POLA1: variants seen among roughly 807,000 people sequenced by gnomAD.
The protein encoded by POLA1 is DNA polymerase alpha 1, catalytic subunit.
In POLA1, 15 loss-of-function variants were observed where a neutral mutation model predicts 124.0. The observed-to-expected ratio is 0.12, with a 90% CI of 0.08 to 0.19. POLA1 has a LOEUF of 0.19. Ranked by LOEUF, POLA1 falls within the 10% of genes least tolerant of loss-of-function variation. The probability of loss-of-function intolerance (pLI) is 1.00; values close to 1 mark genes in which losing one functional copy is unlikely to be tolerated. For synonymous variants in POLA1, 408 were observed against 389.4 expected (o/e 1.05, Z -0.56); for missense variants, 886 against 1,103.4 (o/e 0.80, Z 2.79).
intron 26 of POLA1, among the ~76,000 whole-genome samples, chrX:24,800,375 G>A (rs886840311): frequency 1.8e-5 from 2 of 111,727 alleles, no homozygotes; most frequent in Non-Finnish European, 3.8e-5. Context: ...GGGATTTTCA[G>A]ATTTCTTGAC....
chrX:24,741,571 G>A (rs987845432), intron 21 of POLA1, 67 bp downstream of exon 21: 4 of 957,595 alleles, frequency 4.2e-6, no homozygotes, highest in East Asian at 6.2e-5. Context: ...TGGGGTAGTT[G>A]TTATATGATA....
chrX:24,777,946 T>C (rs1424119865), intron 26 of POLA1, among the ~76,000 whole-genome samples: 1 of 112,249 alleles, frequency 8.9e-6, no homozygotes, highest in Non-Finnish European at 1.9e-5. Flanking sequence ...TTAAAAGTAA[T>C]GTTATATGGT....
chrX:24,922,229 C>G (rs1436994783), intron 35 of POLA1, among the ~76,000 whole-genome samples: 1 of 93,000 alleles, frequency 1.1e-5, no homozygotes, highest in Admixed American at 1.2e-4. Context: ...CATGCGCTAT[C>G]ATACCCAACT....
At chrX:24,796,715 C>T (rs1231701864) in intron 26 of POLA1, among the ~76,000 whole-genome samples, 2 of 111,481 alleles carry the variant, frequency 1.8e-5, no homozygotes, top group Non-Finnish European at 3.8e-5. Flanking sequence ...CCCTGTTAAG[C>T]GTTGAATTTC....
rs190834054 is a variant in POLA1 at position 24,916,263 on chromosome X, C to T, written c.4165-14190C>T. Among the ~76,000 whole-genome samples the T allele has an allele frequency of 4.6e-5, 5 of 108,382 alleles. No individual in the cohort carries two copies. In the East Asian group the frequency reaches 1.4e-3, roughly 31 times the overall value. The allele number at this position is 108,382 out of a possible 115,157, so 94.1% of individuals were successfully genotyped here. A position where few individuals can be genotyped will look rare whatever the true frequency, so the allele number is the denominator to read the frequency against. On this transcript the variant is annotated intron_variant, in intron 35 of 36. Transcript: ENST00000379068. ...CTAGAATGAAGCCTATTACAAGAAC[C>T]TGAGAACTTTTTTTTTCTTTTTTCT...
chrX:24,788,990 C>A (rs1240223303), intron 26 of POLA1: 1 of 1,209,966 alleles, frequency 8.3e-7, no homozygotes, highest in Non-Finnish European at 1.1e-6. Flanking sequence ...TGGCACATAC[C>A]CCTCGATGTA....
In POLA1 at chrX:24,909,517, G is replaced by C. The variant is rs745895140; in HGVS notation, c.4165-20936G>C. On this transcript the variant is annotated intron_variant, in intron 35 of 36. Coordinates refer to ENST00000379068, the MANE Select transcript of POLA1 (RefSeq NM_001330360.2). ...AATCCTTTCCCCATTGCTTGTTTTT[G>C]TCAGGTTTGTCAAAGATCAGATAGT... 9.8e-3 allele frequency among the ~76,000 whole-genome samples: 1,075 copies of C among 109,755 alleles called. 17 individuals are homozygous for C. Among genetic ancestry groups the C allele is most frequent in the African/African-American group, 0.034 (1,020 of 30,382 alleles).
chrX:24,772,174 C>T (rs376521215), intron 26 of POLA1, among the ~76,000 whole-genome samples: 2 of 111,043 alleles, frequency 1.8e-5, no homozygotes, highest in Non-Finnish European at 1.9e-5. Flanking sequence ...TAGGACTTTT[C>T]GTATTGTTTT....
At chrX:24,750,535 T>C (rs1234452816) in intron 26 of POLA1, among the ~76,000 whole-genome samples, 1 of 112,696 alleles carries the variant, frequency 8.9e-6, no homozygotes, top group Non-Finnish European at 1.9e-5. Flanking sequence ...ATCACTCTTC[T>C]GTTGGCAGCC....
intron 30 of POLA1, among the ~76,000 whole-genome samples, chrX:24,816,673 C>T (rs2045992580): frequency 9.0e-6 from 1 of 111,536 alleles, no homozygotes; most frequent in Non-Finnish European, 1.9e-5. Context: ...ATATTGTATC[C>T]CTGATCCTGT....
Position 24,748,797 on chromosome X carries a change from A to G in POLA1, c.2842-73A>G, listed in dbSNP as rs1932162992. The G allele has an allele frequency of 3.8e-6, 4 of 1,064,492 alleles. No homozygotes were observed. The Admixed American group carries it at 9.6e-5, about 25-fold the overall frequency. The allele number at this position is 1,064,492 out of a possible 1,213,427, so 87.7% of individuals were successfully genotyped here. On this transcript the variant is annotated intron_variant, in intron 25 of 36. Coordinates refer to ENST00000379068, the MANE Select transcript of POLA1 (RefSeq NM_001330360.2). Reference sequence around the variant, plus strand: ...GGGTTTCCCTTTTTATTGGAGATCTAGAAAGACATCTAATGTAATGCTTAA... The same window carrying G: ...GGGTTTCCCTTTTTATTGGAGATCTGGAAAGACATCTAATGTAATGCTTAA...
intron 35 of POLA1, among the ~76,000 whole-genome samples, chrX:24,910,392 C>G (rs1471580897): frequency 9.1e-6 from 1 of 109,976 alleles, no homozygotes; most frequent in African/African-American, 3.3e-5. Flanking sequence ...ATAGATAGCT[C>G]TTATTATTTT....
chrX:24,956,329 A>T (rs2048106345), intron 36 of POLA1, among the ~76,000 whole-genome samples: 1 of 108,371 alleles, frequency 9.2e-6, no homozygotes, highest in Admixed American at 1.0e-4. Flanking sequence ...ACATGTATTT[A>T]TATATATATT....
intron 35 of POLA1, among the ~76,000 whole-genome samples, chrX:24,926,162 C>T (rs937700749): frequency 1.8e-5 from 2 of 109,276 alleles, no homozygotes; most frequent in Admixed American, 9.8e-5. Context: ...GCTATGATTG[C>T]GCCACTGCAT....
chrX:24,916,596 A>G (rs886461280), intron 35 of POLA1, among the ~76,000 whole-genome samples: 2 of 111,661 alleles, frequency 1.8e-5, no homozygotes, highest in Non-Finnish European at 3.8e-5. Flanking sequence ...ACAATTTTTA[A>G]AAGAGGACAG....
Position 24,996,164 on chromosome X carries a change from A to G in POLA1, c.*214A>G. ...AATTCCTGTCTTCATATTAAGATGT[A>G]CTGCTTTAAAACACAACTCCAGAGC... On this transcript the variant is annotated 3_prime_UTR_variant, in exon 37 of 37. Transcript: ENST00000379068. The G allele has an allele frequency of 5.6e-6, 2 of 359,829 alleles. No homozygotes were observed. The highest frequency in any genetic ancestry group is 9.7e-6 in the Non-Finnish European group (2 of 206,581). The allele number at this position is 359,829 out of a possible 1,213,427, so 29.7% of individuals were successfully genotyped here.
At chrX:24,941,956 G>C (rs930057732) in intron 36 of POLA1, among the ~76,000 whole-genome samples, 26 of 111,862 alleles carry the variant, frequency 2.3e-4, no homozygotes, top group African/African-American at 7.8e-4. Context: ...TTCAAATAGG[G>C]TCAAAAAAGC....
chrX:24,981,871 G>A (rs1342726034), intron 36 of POLA1, among the ~76,000 whole-genome samples: 1 of 112,143 alleles, frequency 8.9e-6, no homozygotes, highest in Non-Finnish European at 1.9e-5. Flanking sequence ...TTTTGCTTTT[G>A]TTTTGTTCTG....
chrX:24,974,333 G>T (rs901855689), intron 36 of POLA1, among the ~76,000 whole-genome samples: 6 of 111,742 alleles, frequency 5.4e-5, no homozygotes, highest in Admixed American at 3.8e-4. Flanking sequence ...GTGGACACAA[G>T]ATAGACCCAC....
Sources: gnomAD v4.1 joint callset for allele counts (sites outside exome capture counted in the v4.1 genomes callset) on GRCh38, gnomAD v4.1.1 for gene constraint, MANE v1.5 for transcripts, NCBI Gene and HGNC (gene_info 2026-07-23, HGNC 2026-07-21) for gene names.